Variants in MLLT1 observed in about 807,000 individuals in gnomAD.
The protein encoded by MLLT1 is MLLT1 super elongation complex subunit.
MLLT1 carries 11 observed loss-of-function variants against 55.1 expected under a neutral mutation model. The observed-to-expected ratio is 0.20, with a 90% CI of 0.13 to 0.33. The LOEUF is 0.33. Among genes scored for constraint, MLLT1 ranks in the 10% least tolerant of loss-of-function variants. MLLT1 has a pLI of 1.00. For synonymous variants in MLLT1, 323 were observed against 320.1 expected (o/e 1.01, Z -0.10); for missense variants, 536 against 760.6 (o/e 0.70, Z 3.47).
At chr19:6,225,047 T>C (rs1040762645) in intron 5 of MLLT1, among the ~76,000 whole-genome samples, 4 of 152,146 alleles carry the variant, frequency 2.6e-5, no homozygotes, top group Admixed American at 6.5e-5. Flanking sequence ...GTTTGCAAGG[T>C]TGTCTGCGAA....
chr19:6,212,608 T>G lies in MLLT1; in HGVS notation c.*434A>C. 1 of 1,088,722 alleles carries G rather than the reference T, an allele frequency of 9.2e-7. No homozygotes were observed. Among genetic ancestry groups the G allele is most frequent in the Admixed American group, 4.9e-5 (1 of 20,424 alleles). The allele number at this position is 1,088,722 out of a possible 1,614,324, so 67.4% of individuals were successfully genotyped here. A position where few individuals can be genotyped will look rare whatever the true frequency, so the allele number is the denominator to read the frequency against. On this transcript the variant is annotated 3_prime_UTR_variant, in exon 12 of 12. Transcript: ENST00000252674. ...AGGCAGGGCCTTCTGAGGTCCAGGG[T>G]GGGCGGAGGGTGTGTTCTGAACCAT...
At chr19:6,233,483 G>A (rs1452245969) in intron 3 of MLLT1, among the ~76,000 whole-genome samples, 1 of 152,258 alleles carries the variant, frequency 6.6e-6, no homozygotes, top group African/African-American at 2.4e-5. Flanking sequence ...GTCTGGGCCA[G>A]GCTAGGGCTC....
chr19:6,225,206 T>C (rs985687351), intron 5 of MLLT1, among the ~76,000 whole-genome samples: 2 of 152,188 alleles, frequency 1.3e-5, no homozygotes, highest in African/African-American at 4.8e-5. Flanking sequence ...TCTTGGGTGG[T>C]GGCTGTGAAG....
chr19:6,213,978 C>G lies in MLLT1; in HGVS notation c.1368G>C (p.Glu456Asp), dbSNP rs778675421. 20 of 1,463,502 alleles carry G rather than the reference C, an allele frequency of 1.4e-5. No individual in the cohort carries two copies. The highest frequency in any genetic ancestry group is 1.7e-5 in the Non-Finnish European group (19 of 1,109,022). The allele number at this position is 1,463,502 out of a possible 1,614,324, so 90.7% of individuals were successfully genotyped here. A position where few individuals can be genotyped will look rare whatever the true frequency, so the allele number is the denominator to read the frequency against. ...NSADSSLPSR[E>D]PPPPQKPPPP... ...GGGGTGGCTTCTGGGGGGGTGGGGGCTCACGGCTGGGCAGGGAGGAGTCGG... is the reference window on the plus strand; with the variant it reads ...GGGGTGGCTTCTGGGGGGGTGGGGGGTCACGGCTGGGCAGGGAGGAGTCGG... Residue 456 changes from glutamate to aspartate, a missense_variant, in exon 9 of 12, where the codon GAG (glutamate) becomes GAC (aspartate). Physicochemically the swap from Glu to Asp is conservative, Grantham distance 45. Around this residue, in one of 3 missense-constraint regions of MLLT1, gnomAD observed 449 missense variants for 489.0 expected, o/e 0.92. Transcript: ENST00000252674.
intron 2 of MLLT1, among the ~76,000 whole-genome samples, chr19:6,264,335 G>C (rs1315434930): frequency 6.6e-6 from 1 of 151,428 alleles, no homozygotes; most frequent in Non-Finnish European, 1.5e-5. Context: ...GGGGGAAGCT[G>C]AAACTTGCAG....
intron 1 of MLLT1, among the ~76,000 whole-genome samples, chr19:6,277,471 G>A (rs2091433616): frequency 6.6e-6 from 1 of 152,200 alleles, no homozygotes; most frequent in Admixed American, 6.5e-5. Flanking sequence ...GTGCGATGGA[G>A]GAACTGAAGT....
At chr19:6,228,043 G>C (rs1477652746) in intron 4 of MLLT1, among the ~76,000 whole-genome samples, 3 of 152,216 alleles carry the variant, frequency 2.0e-5, no homozygotes, top group African/African-American at 7.2e-5. Context: ...GCGGCCATGG[G>C]GACATTGGCT....
chr19:6,214,052 C>G lies in MLLT1; in HGVS notation c.1308-14G>C, dbSNP rs574757368. On this transcript the variant is annotated splice_polypyrimidine_tract_variant and intron_variant, in intron 8 of 11. Transcript: ENST00000252674. Reference sequence around the variant, plus strand: ...CTGAAGCTCAACCTGAACCGACACACGGGGGCGCATCAGGCCCCTGCCGCC... The same window carrying G: ...CTGAAGCTCAACCTGAACCGACACAGGGGGGCGCATCAGGCCCCTGCCGCC... 8 of 1,410,688 alleles carry G rather than the reference C, an allele frequency of 5.7e-6. No individual in the cohort carries two copies. The highest frequency in any genetic ancestry group is 1.5e-5 in the African/African-American group (1 of 68,670). 87.4% of individuals were successfully genotyped at this position (1,410,688 alleles called of 1,614,324 possible).
rs2090990941 is a variant in MLLT1 at position 6,229,808 on chromosome 19, A to G, written c.420+762T>C. ...ATACCACACATGCCACTCACACCAT[A>G]CACGAGACACATGCCACACACAACA... is the stretch of plus-strand genomic sequence containing the variant. On this transcript the variant is annotated intron_variant, in intron 4 of 11. Transcript: ENST00000252674. This position sits in a 1 kb window ranked among gnomAD's most constrained non-coding sequence, Gnocchi z 5.2. Among the ~76,000 whole-genome samples, 1 of 151,598 alleles carries G rather than the reference A, an allele frequency of 6.6e-6. No individual in the cohort carries two copies. Among genetic ancestry groups the G allele is most frequent in the Admixed American group, 6.6e-5 (1 of 15,232 alleles).
chr19:6,214,579 C>T (rs2144843092), intron 8 of MLLT1, among the ~76,000 whole-genome samples: 1 of 152,288 alleles, frequency 6.6e-6, no homozygotes, highest in South Asian at 2.1e-4. Context: ...GGTCCAAGCT[C>T]TCAACCTCCC....
Position 6,212,746 on chromosome 19 carries a change from GC to G in MLLT1, c.*295del. The G allele has an allele frequency of 7.2e-6, 8 of 1,110,282 alleles. No individual in the cohort carries two copies. Among genetic ancestry groups the G allele is most frequent in the East Asian group, 4.1e-5 (1 of 24,318 alleles). The allele number at this position is 1,110,282 out of a possible 1,614,324, so 68.8% of individuals were successfully genotyped here. ...GGCTGGTCCCAAGGCTGGGCGAGGG[GC>G]CCCCGGCCCTGTCTCTGCCCAGAGC... is the stretch of plus-strand genomic sequence containing the variant. On this transcript the variant is annotated 3_prime_UTR_variant, in exon 12 of 12. Transcript: ENST00000252674.
rs2090969367 is a variant in MLLT1 at position 6,227,808 on chromosome 19, G to C, written c.421-706C>G. Among the ~76,000 whole-genome samples the C allele has an allele frequency of 6.6e-6, 1 of 152,224 alleles. No homozygotes were observed. The highest frequency in any genetic ancestry group is 1.5e-5 in the Non-Finnish European group (1 of 68,040). On this transcript the variant is annotated intron_variant, in intron 4 of 11. Transcript: ENST00000252674. The surrounding 1 kb of genome is among the most constrained non-coding windows in gnomAD (Gnocchi z 5.1). ...GGAGGGCTCCCAGGAAACACCTGCT[G>C]TGCAGGGGGAAGCTCGGAGCAAGGT... is the stretch of plus-strand genomic sequence containing the variant.
rs558533310 is a variant in MLLT1 at position 6,229,207 on chromosome 19, G to A, written c.420+1363C>T. The stretch of plus-strand genomic sequence containing the variant: ...AGAAGGTGGAAAAGCGGAGCCAGGA[G>A]GGCGCTGGGACCCAGCCCTCACATC... On this transcript the variant is annotated intron_variant, in intron 4 of 11. Coordinates refer to ENST00000252674, the MANE Select transcript of MLLT1 (RefSeq NM_005934.4). This position sits in a 1 kb window ranked among gnomAD's most constrained non-coding sequence, Gnocchi z 5.2. Among the ~76,000 whole-genome samples the A allele has an allele frequency of 1.7e-3, 252 of 152,230 alleles. 1 individual carries two copies. Among genetic ancestry groups the A allele is most frequent in the African/African-American group, 5.7e-3 (235 of 41,530 alleles).
At chr19:6,271,985 C>A (rs1027743050) in intron 1 of MLLT1, among the ~76,000 whole-genome samples, 3 of 152,248 alleles carry the variant, frequency 2.0e-5, no homozygotes, top group Admixed American at 1.3e-4. Context: ...TGGCTGAGTG[C>A]CCCGGCGCCT....
At chr19:6,241,929 T>C (rs1432263740) in intron 3 of MLLT1, among the ~76,000 whole-genome samples, 2 of 152,240 alleles carry the variant, frequency 1.3e-5, no homozygotes, top group African/African-American at 4.8e-5. Flanking sequence ...ACCGGCCGAT[T>C]GTCCCTGGCG....
chr19:6,240,412 A>G lies in MLLT1; in HGVS notation c.277-9699T>C, dbSNP rs538032358. Among the ~76,000 whole-genome samples the G allele has an allele frequency of 4.6e-5, 7 of 152,236 alleles. No homozygotes were observed. The highest frequency in any genetic ancestry group is 1.0e-4 in the Non-Finnish European group (7 of 68,048). On this transcript the variant is annotated intron_variant, in intron 3 of 11. Coordinates refer to ENST00000252674, the MANE Select transcript of MLLT1 (RefSeq NM_005934.4). The surrounding 1 kb of genome is among the most constrained non-coding windows in gnomAD (Gnocchi z 4.7). ...CCACTGGAAGGAGCTCGACAGACAC[A>G]GCAGGTGACGCAGAGGGCGGGCTCC...
At chr19:6,239,337 C>T (rs1353915660) in intron 3 of MLLT1, among the ~76,000 whole-genome samples, 1 of 152,226 alleles carries the variant, frequency 6.6e-6, no homozygotes, top group African/African-American at 2.4e-5. Context: ...TATAAACCAA[C>T]GTACGAGGGG....
chr19:6,245,432 C>T (rs916925571), intron 3 of MLLT1, among the ~76,000 whole-genome samples: 8 of 150,344 alleles, frequency 5.3e-5, no homozygotes, highest in South Asian at 2.2e-4. Flanking sequence ...ATGTGAGGGC[C>T]GGGCACAGTG....
chr19:6,223,670 G>T (rs774060020), intron 5 of MLLT1, among the ~76,000 whole-genome samples: 1 of 152,162 alleles, frequency 6.6e-6, no homozygotes, highest in Non-Finnish European at 1.5e-5. Flanking sequence ...GGCTCAGCCC[G>T]CGGCCAGCCT....
Sources: gnomAD v4.1 joint callset for allele counts (sites outside exome capture counted in the v4.1 genomes callset) on GRCh38, gnomAD v4.1.1 for gene constraint, gnomAD v4.1.1 regional missense constraint, Gnocchi (gnomAD v3.1) non-coding constraint, MANE v1.5 for transcripts, NCBI Gene and HGNC (gene_info 2026-07-23, HGNC 2026-07-21) for gene names.